The following UBE2W variants were observed in gnomAD, a reference collection of about 807,000 sequenced individuals.
UBE2W encodes the protein ubiquitin conjugating enzyme E2 W.
Under a neutral mutation model 27.2 loss-of-function variants are expected in UBE2W, and 18 were observed. The ratio of observed to expected loss-of-function variants is 0.66; its 90% CI spans 0.46 to 0.98. The LOEUF is 0.98. Ranked by LOEUF, UBE2W falls within the 50% of genes least tolerant of loss-of-function variation. The pLI is 0.00. For synonymous variants in UBE2W, 53 were observed against 57.2 expected (o/e 0.93, Z 0.33); for missense variants, 90 against 180.2 (o/e 0.50, Z 2.87).
rs911193876 is a variant in UBE2W at position 73,786,557 on chromosome 8, C to A, written c.*7545G>T. ...AGAGAAGAAAGGACAAGGATGATAA[C>A]CTTTCAGCTACCTTTGAACTAGACC... On this transcript the variant is annotated 3_prime_UTR_variant, in exon 6 of 6. Transcript: ENST00000602593. 1 of 985,292 alleles carries A rather than the reference C, an allele frequency of 1.0e-6. No homozygotes were observed. The highest frequency in any genetic ancestry group is 1.7e-5 in the African/African-American group (1 of 57,228). The allele number at this position is 985,292 out of a possible 1,614,324, so 61.0% of individuals were successfully genotyped here. A position where few individuals can be genotyped will look rare whatever the true frequency, so the allele number is the denominator to read the frequency against.
chr8:73,820,646 G>A (rs1465762165), intron 3 of UBE2W, among the ~76,000 whole-genome samples: 4 of 152,138 alleles, frequency 2.6e-5, no homozygotes, highest in Non-Finnish European at 5.9e-5. Context: ...AGAGGCTGAG[G>A]TGGGAGAATG....
chr8:73,781,619 GTT>G (rs112691687), downstream of UBE2W, among the ~76,000 whole-genome samples: 6 of 140,876 alleles, frequency 4.3e-5, no homozygotes, highest in South Asian at 2.2e-4. Flanking sequence ...TCAGGTTTGG[GTT>G]TTTTTTTTTT....
At chr8:73,835,808 T>G (rs1039913542) in intron 1 of UBE2W, among the ~76,000 whole-genome samples, 3 of 152,152 alleles carry the variant, frequency 2.0e-5, no homozygotes, top group Non-Finnish European at 4.4e-5. Context: ...CTCAAATCAC[T>G]TGCTCTGGAG....
At chr8:73,799,130 T>C (rs1003348790) in intron 5 of UBE2W, among the ~76,000 whole-genome samples, 5 of 152,110 alleles carry the variant, frequency 3.3e-5, no homozygotes, top group African/African-American at 1.2e-4. Flanking sequence ...AATAAAGAAA[T>C]GTGCAGTCAC....
At chr8:73,828,568 A>G (rs1267360850) in intron 2 of UBE2W, among the ~76,000 whole-genome samples, 1 of 152,200 alleles carries the variant, frequency 6.6e-6, no homozygotes, top group Admixed American at 6.5e-5. Flanking sequence ...TAGGTCAAAC[A>G]TGATAGTATT....
chr8:73,833,082 G>C (rs1810148887), intron 1 of UBE2W, among the ~76,000 whole-genome samples: 1 of 151,052 alleles, frequency 6.6e-6, no homozygotes, highest in Admixed American at 6.6e-5. Context: ...CTACTCAACA[G>C]GCAGAGGCAG....
intron 1 of UBE2W, among the ~76,000 whole-genome samples, chr8:73,869,203 G>C (rs1397162950): frequency 6.6e-6 from 1 of 152,160 alleles, no homozygotes; most frequent in Non-Finnish European, 1.5e-5. Context: ...AGGCAGGAGG[G>C]GTGCTGAGAC....
intron 3 of UBE2W, among the ~76,000 whole-genome samples, chr8:73,811,171 C>T (rs1809135537): frequency 6.6e-6 from 1 of 152,126 alleles, no homozygotes; most frequent in Admixed American, 6.5e-5. Flanking sequence ...GTACAAGTTA[C>T]TAGCTGTTAA....
In UBE2W at chr8:73,860,726, G is replaced by A. The variant is rs895643652; in HGVS notation, c.15+18082C>T. Among the ~76,000 whole-genome samples the A allele has an allele frequency of 1.4e-4, 21 of 152,162 alleles. 1 individual carries two copies. Among genetic ancestry groups the A allele is most frequent in the Admixed American group, 1.4e-3 (21 of 15,264 alleles). ...TTTGAATTCAGGAAGAAAGTTCAAA[G>A]AGTGGAGGGGCTAACTAAATGATCT... On this transcript the variant is annotated intron_variant, in intron 1 of 5. Coordinates refer to ENST00000602593, the MANE Select transcript of UBE2W (RefSeq NM_018299.6).
chr8:73,830,319 G>A lies in UBE2W; in HGVS notation c.107+62C>T, dbSNP rs1010908779. The A allele has an allele frequency of 1.0e-4, 120 of 1,185,316 alleles. 1 individual carries two copies. Among genetic ancestry groups the A allele is most frequent in the South Asian group, 5.8e-4 (44 of 76,390 alleles). The allele number at this position is 1,185,316 out of a possible 1,614,324, so 73.4% of individuals were successfully genotyped here. On this transcript the variant is annotated intron_variant, in intron 2 of 5. Transcript: ENST00000602593. ...AAATAATTTTGTAGTTTTAAAAAGC[G>A]GGTGAACATTCATACATTATTGGTA... is the stretch of plus-strand genomic sequence containing the variant.
chr8:73,789,855 A>T lies in UBE2W; in HGVS notation c.*4247T>A, dbSNP rs944341911. 4 of 884,340 alleles carry T rather than the reference A, an allele frequency of 4.5e-6. No homozygotes were observed. Among genetic ancestry groups the T allele is most frequent in the Admixed American group, 1.2e-4 (2 of 16,116 alleles). The allele number at this position is 884,340 out of a possible 1,614,324, so 54.8% of individuals were successfully genotyped here. A position where few individuals can be genotyped will look rare whatever the true frequency, so the allele number is the denominator to read the frequency against. On this transcript the variant is annotated 3_prime_UTR_variant, in exon 6 of 6. Transcript: ENST00000602593. ...CCGTCTCAAAAATAAATAAATAAAT[A>T]AATAATAAAAATAATCATTCCACAT...
intron 3 of UBE2W, among the ~76,000 whole-genome samples, chr8:73,819,027 C>T (rs769858626): frequency 3.3e-5 from 5 of 152,178 alleles, no homozygotes; most frequent in Non-Finnish European, 5.9e-5. Flanking sequence ...CCTGTTTATA[C>T]ACCACTCCAG....
At chr8:73,821,553 GT>G (rs1438574367) in intron 3 of UBE2W, among the ~76,000 whole-genome samples, 11 of 74,904 alleles carry the variant, frequency 1.5e-4, no homozygotes, top group African/African-American at 6.2e-4. Context: ...GGGAGTGTGT[GT>G]GTGGGGGGGG....
intron 5 of UBE2W, among the ~76,000 whole-genome samples, chr8:73,801,695 AG>A (rs1284393277): frequency 1.3e-5 from 2 of 152,178 alleles, no homozygotes; most frequent in African/African-American, 4.8e-5. Flanking sequence ...TTGTTTTTTA[AG>A]GCTTTTTTGT....
chr8:73,849,245 C>G (rs1810962690), intron 1 of UBE2W, among the ~76,000 whole-genome samples: 1 of 152,072 alleles, frequency 6.6e-6, no homozygotes, highest in African/African-American at 2.4e-5. Flanking sequence ...GGAGCGGTGG[C>G]TCACTCATGT....
At chr8:73,871,192 G>C (rs191028738) in intron 1 of UBE2W, among the ~76,000 whole-genome samples, 1 of 152,174 alleles carries the variant, frequency 6.6e-6, no homozygotes, top group Non-Finnish European at 1.5e-5. Flanking sequence ...CAGGAATTCA[G>C]AAAATCAGTT....
intron 2 of UBE2W, among the ~76,000 whole-genome samples, chr8:73,829,623 T>C (rs1467422285): frequency 2.0e-5 from 3 of 152,058 alleles, no homozygotes; most frequent in Non-Finnish European, 4.4e-5. Flanking sequence ...GTAATATGCT[T>C]GTTCTTAAAG....
intron 1 of UBE2W, among the ~76,000 whole-genome samples, chr8:73,850,385 G>C (rs1445512670): frequency 6.6e-6 from 1 of 151,954 alleles, no homozygotes; most frequent in East Asian, 1.9e-4. Flanking sequence ...TGCATTTGTA[G>C]GTCAATACCC....
At chr8:73,794,928 C>T (rs1399978021) in intron 5 of UBE2W, among the ~76,000 whole-genome samples, 1 of 148,468 alleles carries the variant, frequency 6.7e-6, no homozygotes, top group Non-Finnish European at 1.5e-5. Flanking sequence ...CAAATGGGGT[C>T]ATTAAAAAAC....
Sources: allele counts gnomAD v4.1 joint callset (sites outside exome capture counted in the v4.1 genomes callset), GRCh38; gene constraint gnomAD v4.1.1; transcripts MANE v1.5; gene names NCBI Gene and HGNC (gene_info 2026-07-23, HGNC 2026-07-21).